Variants in PYGB observed in about 807,000 individuals in gnomAD.
PYGB encodes glycogen phosphorylase, brain form.
In PYGB, 82 loss-of-function variants were observed where a neutral mutation model predicts 94.3. That is an observed-to-expected ratio of 0.87 (90% confidence interval 0.73 to 1.04). The LOEUF is 1.04. Ranked by LOEUF, PYGB falls within the 50% of genes least tolerant of loss-of-function variation. The pLI is 0.00. For synonymous variants in PYGB, 488 were observed against 479.1 expected (o/e 1.02, Z -0.24); for missense variants, 1,132 against 1,158.2 (o/e 0.98, Z 0.33).
chr20:25,260,840 C>A (rs931116588), intron 2 of PYGB, among the ~76,000 whole-genome samples: 1 of 152,238 alleles, frequency 6.6e-6, no homozygotes, highest in African/African-American at 2.4e-5. Flanking sequence ...TATCCCGCAC[C>A]AGGCTCAGAG....
Position 25,269,204 on chromosome 20 carries a change from G to A in PYGB, c.421G>A (p.Ala141Thr), listed in dbSNP as rs1252531440. 8 of 1,582,652 alleles carry A rather than the reference G, an allele frequency of 5.1e-6. No individual in the cohort carries two copies. Among genetic ancestry groups the A allele is most frequent in the South Asian group, 1.1e-5 (1 of 90,124 alleles). ...GLGNGGLGRL[A>T]ACFLDSMATL... ...TGGGAATGGAGGCCTGGGGAGGCTGGCAGGTAAGTTGCCCCATCCAGGAGG... is the reference window on the plus strand; with the variant it reads ...TGGGAATGGAGGCCTGGGGAGGCTGACAGGTAAGTTGCCCCATCCAGGAGG... Residue 141 changes from alanine to threonine, a missense_variant, in exon 3 of 20, where the codon GCA (alanine) becomes ACA (threonine). Physicochemically the swap from Ala to Thr is moderately conservative, Grantham distance 58. Coordinates refer to ENST00000216962, the MANE Select transcript of PYGB (RefSeq NM_002862.4).
At chr20:25,272,895 TC>T (rs1193778127) in intron 4 of PYGB, among the ~76,000 whole-genome samples, 27 of 152,336 alleles carry the variant, frequency 1.8e-4, no homozygotes, top group Non-Finnish European at 2.1e-4. Flanking sequence ...TGTTAGGGTT[TC>T]CAGCAGGAAG....
At chr20:25,271,613 T>C in intron 4 of PYGB, 127 bp downstream of exon 4, 1 of 1,008,218 alleles carries the variant, frequency 9.9e-7, no homozygotes, top group East Asian at 2.5e-5. Flanking sequence ...GCCAGGGCAA[T>C]GTGGAGCAGG....
At position 25,280,294 on chromosome 20, in the gene PYGB, C is replaced by G. The variant is rs540251614; in HGVS notation, c.1121C>G (p.Ala374Gly). Residue 374 changes from alanine (A) to glycine (G), a missense_variant, in exon 10 of 20, where the codon GCA becomes GGA. Physicochemically the swap from Ala to Gly is moderately conservative, Grantham distance 60. Coordinates refer to ENST00000216962, the MANE Select transcript of PYGB (RefSeq NM_002862.4). Reference protein sequence around the residue: ...KAWEITKKTCAYTNHTVLPEA... With the variant: ...KAWEITKKTCGYTNHTVLPEA... ...TGGGAAATCACGAAGAAGACCTGTGCATACACCAACCACACTGTGCTGCCT... is the reference window on the plus strand; with the variant it reads ...TGGGAAATCACGAAGAAGACCTGTGGATACACCAACCACACTGTGCTGCCT... The G allele has an allele frequency of 6.2e-7, 1 of 1,614,182 alleles. No homozygotes were observed. The highest frequency in any genetic ancestry group is 2.2e-5 in the East Asian group (1 of 44,882).
At chr20:25,292,137 TCCTATGCCA>T (rs146243704) in intron 16 of PYGB, among the ~76,000 whole-genome samples, 1 of 152,256 alleles carries the variant, frequency 6.6e-6, no homozygotes, top group African/African-American at 2.4e-5. Flanking sequence ...GGTGCACAGA[TCCTATGCCA>T]CCTGGCTCCT....
intron 6 of PYGB, 110 bp downstream of exon 6, chr20:25,276,867 C>A: frequency 1.0e-6 from 1 of 979,384 alleles, no homozygotes; most frequent in Non-Finnish European, 1.5e-6. Flanking sequence ...GGAGGCCGCG[C>A]GGCCCTCCTC....
Position 25,296,602 on chromosome 20 carries a change from C to A in PYGB, c.*80C>A, listed in dbSNP as rs2088550931. 1.3e-6 allele frequency: 2 copies of A among 1,511,190 alleles called. No individual in the cohort carries two copies. The highest frequency in any genetic ancestry group is 1.8e-6 in the Non-Finnish European group (2 of 1,122,632). 93.6% of individuals were successfully genotyped at this position (1,511,190 alleles called of 1,614,324 possible). On this transcript the variant is annotated 3_prime_UTR_variant, in exon 20 of 20. Coordinates refer to ENST00000216962, the MANE Select transcript of PYGB (RefSeq NM_002862.4). ...CCTCCTTTTTTCCCCAAACACTTTG[C>A]CAGCCACTGGTGGTCCCTGCTTTTC...
chr20:25,295,784 G>T, intron 19 of PYGB, 114 bp downstream of exon 19: 1 of 1,212,468 alleles, frequency 8.2e-7, no homozygotes, highest in Non-Finnish European at 1.2e-6. Context: ...GGCCAGAGGG[G>T]TTTGTGATTC....
At chr20:25,296,150 C>T (rs1399764595) in intron 19 of PYGB, among the ~76,000 whole-genome samples, 1 of 152,154 alleles carries the variant, frequency 6.6e-6, no homozygotes, top group Non-Finnish European at 1.5e-5. Context: ...CTGGGACCTT[C>T]TCTCCAGCTC....
intron 18 of PYGB, chr20:25,294,936 G>A (rs1300006523): frequency 6.8e-6 from 11 of 1,611,646 alleles, no homozygotes; most frequent in Non-Finnish European, 8.5e-6. Context: ...AGTTTTGTCT[G>A]CTGCTCTTCG....
intron 15 of PYGB, chr20:25,289,997 G>T: frequency 1.9e-6 from 1 of 530,138 alleles, no homozygotes; most frequent in Non-Finnish European, 3.9e-6. Context: ...GTTGGTCTGA[G>T]TGAGGGCCCA....
chr20:25,271,144 C>G (rs907671253), intron 3 of PYGB, among the ~76,000 whole-genome samples: 1 of 152,104 alleles, frequency 6.6e-6, no homozygotes, highest in Non-Finnish European at 1.5e-5. Context: ...GCCGAGTTCT[C>G]TAGGATTCTT....
Position 25,292,545 on chromosome 20 carries a change from G to C in PYGB, c.2109G>C (p.Glu703Asp). 6.2e-7 allele frequency: 1 copy of C among 1,613,384 alleles called. No homozygotes were observed. The highest frequency in any genetic ancestry group is 8.5e-7 in the Non-Finnish European group (1 of 1,179,964). The change falls in exon 17 of 20, where the codon GAG becomes GAC. Residue 703 changes from glutamate (E) to aspartate (D), a missense_variant. Physicochemically the swap from Glu to Asp is conservative, Grantham distance 45 (BLOSUM62 2). Coordinates refer to ENST00000216962, the MANE Select transcript of PYGB (RefSeq NM_002862.4). ...GCGCCAACGTGGAGATGGCCGAGGA[G>C]GCCGGGGCCGAGAACCTCTTCATCT... ...MDGANVEMAEEAGAENLFIFG... is the reference protein window; with the variant it reads ...MDGANVEMAEDAGAENLFIFG...
intron 1 of PYGB, among the ~76,000 whole-genome samples, chr20:25,257,137 G>GT (rs893753900): frequency 6.6e-6 from 1 of 152,198 alleles, no homozygotes; most frequent in Non-Finnish European, 1.5e-5. Context: ...CAGTTTCATG[G>GT]TTTTCACTCT....
At chr20:25,288,656 T>C in intron 15 of PYGB, 173 bp downstream of exon 15, 1 of 731,068 alleles carries the variant, frequency 1.4e-6, no homozygotes, top group Non-Finnish European at 2.2e-6. Flanking sequence ...AGAGTCAGAA[T>C]GGGATGGAAG....
In PYGB at chr20:25,293,024, AT is replaced by A. The variant is rs2088484911; in HGVS notation, c.2177+414del. On this transcript the variant is annotated intron_variant, in intron 17 of 19. Coordinates refer to ENST00000216962, the MANE Select transcript of PYGB (RefSeq NM_002862.4). ...GCGCTCTGCCGGGAGCACTCTGCTG[AT>A]TTGGGGCTTGCCTGCTGTTGAGGTT... 6.6e-5 allele frequency among the ~76,000 whole-genome samples: 10 copies of A among 151,960 alleles called. 1 individual carries two copies. In the South Asian group the frequency reaches 2.1e-3, roughly 32 times the overall value.
chr20:25,290,259 G>T (rs2088453936), intron 15 of PYGB, among the ~76,000 whole-genome samples: 2 of 152,212 alleles, frequency 1.3e-5, no homozygotes, highest in South Asian at 4.1e-4. Context: ...CAGACTTGAG[G>T]CGGACACGTT....
chr20:25,294,531 C>T (rs1261876191), intron 18 of PYGB, among the ~76,000 whole-genome samples: 1 of 152,242 alleles, frequency 6.6e-6, no homozygotes, highest in African/African-American at 2.4e-5. Context: ...AGTCCAGCCC[C>T]CAGGCCTTGT....
At chr20:25,295,060 T>C in intron 18 of PYGB, 1 of 1,610,344 alleles carries the variant, frequency 6.2e-7, no homozygotes, top group South Asian at 1.1e-5. Flanking sequence ...TTTAAAATTG[T>C]GAACTCTGCA....
Sources: gnomAD v4.1 joint callset for allele counts (sites outside exome capture counted in the v4.1 genomes callset) on GRCh38, gnomAD v4.1.1 for gene constraint, MANE v1.5 for transcripts, NCBI Gene and HGNC (gene_info 2026-07-23, HGNC 2026-07-21) for gene names.